YY1AP1: variants seen among roughly 807,000 people sequenced by gnomAD.
YY1AP1 encodes the protein YY1 associated protein 1.
A neutral mutation model predicts 39.9 loss-of-function variants in YY1AP1; 43 were observed. The ratio of observed to expected loss-of-function variants is 1.08; its 90% CI spans 0.84 to 1.39. The LOEUF is 1.39. Ranked by LOEUF, YY1AP1 falls within the 40% of genes most tolerant of loss-of-function variation. YY1AP1 has a pLI of 0.00. For missense variants in YY1AP1, 813 were observed against 900.7 expected, an observed-to-expected ratio of 0.90 and a Z score of 1.25; for synonymous variants, 292 against 331.3, an observed-to-expected ratio of 0.88 and a Z score of 1.29.
In YY1AP1 at chr1:155,668,705, T is replaced by G. The variant is rs1286627507; in HGVS notation, c.801A>C (p.Leu267=). ...TCAGTTGGCGGGCAGTCTTGCAGGT[T>G]AGAAGGTACTTGCTGATTAGAGGGT... The part of the protein sequence containing the change: ...FLNPLISKYL[L]TCKTARQLTV... The change falls in exon 9 of 11, where the codon CTA becomes CTC. Residue 267 remains leucine, a synonymous_variant. Coordinates refer to ENST00000355499, the MANE Select transcript of YY1AP1 (RefSeq NM_139119.3). The G allele has an allele frequency of 8.7e-6, 14 of 1,614,070 alleles. No homozygotes were observed. The highest frequency in any genetic ancestry group is 1.2e-5 in the Non-Finnish European group (14 of 1,180,034).
intron 3 of YY1AP1, 96 bp downstream of exon 3, chr1:155,680,320 C>A: frequency 7.1e-7 from 1 of 1,406,484 alleles, no homozygotes; most frequent in South Asian, 1.2e-5. Context: ...TTGGTTCAGT[C>A]CCTCTTCTAG....
chr1:155,659,608 C>T lies in YY1AP1; in HGVS notation c.*49G>A, dbSNP rs371628973. ...TGGTTACACCCTATGCGCCACCAAT[C>T]GGAGGCCGAAGTGAAGGCTCCCAGT... is the stretch of plus-strand genomic sequence containing the variant. On this transcript the variant is annotated 3_prime_UTR_variant, in exon 11 of 11. Transcript: ENST00000355499. 31 of 1,600,202 alleles carry T rather than the reference C, an allele frequency of 1.9e-5. No individual in the cohort carries two copies. The highest frequency in any genetic ancestry group is 2.6e-5 in the Non-Finnish European group (31 of 1,170,602).
chr1:155,678,377 C>T (rs1429640865), intron 4 of YY1AP1, among the ~76,000 whole-genome samples: 1 of 152,138 alleles, frequency 6.6e-6, no homozygotes, highest in Non-Finnish European at 1.5e-5. Flanking sequence ...TGGATTCTAA[C>T]AGGAATTTTA....
chr1:155,663,349 AAC>A (rs1044422186), intron 9 of YY1AP1, among the ~76,000 whole-genome samples: 1 of 143,408 alleles, frequency 7.0e-6, no homozygotes, highest in African/African-American at 2.6e-5. Context: ...CCAGCCTGGC[AAC>A]AGAGTGAGAC....
At chr1:155,681,842 A>G (rs1651565897) in intron 2 of YY1AP1, among the ~76,000 whole-genome samples, 1 of 137,658 alleles carries the variant, frequency 7.3e-6, no homozygotes, top group Admixed American at 7.4e-5. Flanking sequence ...TACATTGAGG[A>G]TTTTTTTTTT....
Position 155,660,294 on chromosome 1 carries a change from A to G in YY1AP1, c.1616T>C (p.Phe539Ser), listed in dbSNP as rs1351349777. 1 of 1,614,226 alleles carries G rather than the reference A, an allele frequency of 6.2e-7. No individual in the cohort carries two copies. The change falls in exon 11 of 11, where the codon TTT becomes TCT. Residue 539 changes from phenylalanine (F) to serine (S), a missense_variant. Phe to Ser is a radical substitution (Grantham distance 155). This residue lies in a region of YY1AP1 where 586 missense variants were observed against 647.4 expected (regional missense o/e 0.91). Coordinates refer to ENST00000355499, the MANE Select transcript of YY1AP1 (RefSeq NM_139119.3). ...RPSKRRGARA[F>S]RCIKPAPVIH... Reference sequence around the variant, plus strand: ...AACAGGGGCAGGTTTGATACAGCGAAAGGCCCTGGCTCCCCTTCTTTTTGA... The same window carrying G: ...AACAGGGGCAGGTTTGATACAGCGAGAGGCCCTGGCTCCCCTTCTTTTTGA...
chr1:155,686,257 G>C (rs1400529039), intron 2 of YY1AP1, among the ~76,000 whole-genome samples: 2 of 151,240 alleles, frequency 1.3e-5, no homozygotes, highest in South Asian at 2.1e-4. Flanking sequence ...GGATAGTCTC[G>C]ATCTCCTGAC....
At chr1:155,686,026 CTTTT>C (rs768966023) in intron 2 of YY1AP1, among the ~76,000 whole-genome samples, 7 of 76,346 alleles carry the variant, frequency 9.2e-5, no homozygotes, top group Non-Finnish European at 1.7e-4. Flanking sequence ...TGAAATCAGT[CTTTT>C]TTTTTTTTTT....
intron 4 of YY1AP1, among the ~76,000 whole-genome samples, chr1:155,678,641 C>T (rs1416830136): frequency 6.6e-6 from 1 of 152,132 alleles, no homozygotes; most frequent in Admixed American, 6.6e-5. Context: ...GTTTTTAAGA[C>T]ATTGGTTGGC....
chr1:155,687,002 C>T (rs71628681), intron 2 of YY1AP1, among the ~76,000 whole-genome samples: 38,437 of 151,582 alleles, frequency 0.25, 5,584 homozygotes, highest in East Asian at 0.69. Flanking sequence ...ACCAATTTAA[C>T]ATGCGGCCTT....
intron 2 of YY1AP1, among the ~76,000 whole-genome samples, chr1:155,682,388 G>A (rs1015071971): frequency 2.0e-5 from 3 of 152,080 alleles, no homozygotes; most frequent in African/African-American, 7.2e-5. Context: ...AAGCTATTTA[G>A]AAGATAAAAA....
intron 1 of YY1AP1, 116 bp from the exon 2 acceptor site, chr1:155,688,317 A>G: frequency 6.4e-7 from 1 of 1,558,666 alleles, no homozygotes; most frequent in Non-Finnish European, 8.7e-7. Context: ...GCGAACCCAA[A>G]ATGGCGGCGG....
chr1:155,659,974 C>T lies in YY1AP1; in HGVS notation c.1936G>A (p.Ala646Thr), dbSNP rs1229093272. ...HMNVDIACAV[A>T]DGENAFQGLE... ...CCCTGAAAGGCATTTTCCCCATCAG[C>T]CACAGCACAAGCAATGTCCACATTC... The change falls in exon 11 of 11, where the codon GCT (alanine) becomes ACT (threonine). Residue 646 changes from alanine to threonine, a missense_variant. This residue lies in a region of YY1AP1 where 586 missense variants were observed against 647.4 expected (regional missense o/e 0.91). Transcript: ENST00000355499. 6.2e-7 allele frequency: 1 copy of T among 1,614,210 alleles called. No individual in the cohort carries two copies. Among genetic ancestry groups the T allele is most frequent in the East Asian group, 2.2e-5 (1 of 44,884 alleles).
chr1:155,669,375 C>A (rs1398622863), intron 8 of YY1AP1, among the ~76,000 whole-genome samples: 3 of 152,108 alleles, frequency 2.0e-5, no homozygotes, highest in Admixed American at 6.5e-5. Flanking sequence ...GTAGTGACTA[C>A]TACAAGTTGG....
At chr1:155,684,366 G>A (rs1310134140) in intron 2 of YY1AP1, among the ~76,000 whole-genome samples, 2 of 152,046 alleles carry the variant, frequency 1.3e-5, no homozygotes, top group Admixed American at 6.6e-5. Flanking sequence ...TCACATGTAC[G>A]TTTTGAGAAA....
intron 9 of YY1AP1, among the ~76,000 whole-genome samples, chr1:155,665,596 G>A (rs1285417923): frequency 1.3e-5 from 2 of 150,150 alleles, no homozygotes; most frequent in Non-Finnish European, 3.0e-5. Context: ...AGCGAGACTC[G>A]GTCTCAAAAA....
At chr1:155,673,266 G>A (rs1449822845) in intron 6 of YY1AP1, among the ~76,000 whole-genome samples, 1 of 151,762 alleles carries the variant, frequency 6.6e-6, no homozygotes, top group African/African-American at 2.4e-5. Flanking sequence ...CGCCTGCCTC[G>A]GCCTCTCATA....
chr1:155,676,879 A>T, intron 4 of YY1AP1, 133 bp from the exon 5 acceptor site: 1 of 867,832 alleles, frequency 1.2e-6, no homozygotes, highest in Non-Finnish European at 1.8e-6. Flanking sequence ...TTTAGCCAAC[A>T]GTCAAACTCC....
chr1:155,665,321 AAAG>A (rs1648809009), intron 9 of YY1AP1, among the ~76,000 whole-genome samples: 1 of 151,932 alleles, frequency 6.6e-6, no homozygotes. Flanking sequence ...CCACTAAAGT[AAAG>A]AAGTAATACT....
Sources: allele counts gnomAD v4.1 joint callset (sites outside exome capture counted in the v4.1 genomes callset), GRCh38; gene constraint gnomAD v4.1.1; regional missense constraint gnomAD v4.1.1; transcripts MANE v1.5; gene names NCBI Gene and HGNC (gene_info 2026-07-23, HGNC 2026-07-21).